Variants in RNF128 observed in about 807,000 individuals in gnomAD.
The protein encoded by RNF128 is E3 ubiquitin-protein ligase RNF128.
In RNF128, 13 loss-of-function variants were observed where a neutral mutation model predicts 26.2. The observed-to-expected ratio is 0.50, with a 90% CI of 0.32 to 0.79. The LOEUF (loss-of-function observed/expected upper bound fraction) is 0.79. Ranked by LOEUF, RNF128 falls within the 30% of genes least tolerant of loss-of-function variation. RNF128 has a pLI of 0.03. For missense variants in RNF128, 315 were observed against 349.7 expected (o/e 0.90, Z 0.79); for synonymous variants, 149 against 142.5 (o/e 1.05, Z -0.32).
intron 1 of RNF128, among the ~76,000 whole-genome samples, chrX:106,762,561 C>G (rs1163031808): frequency 9.0e-6 from 1 of 111,049 alleles, no homozygotes; most frequent in African/African-American, 3.3e-5. Context: ...GATCCGCCCC[C>G]CATCGGCCTC....
intron 4 of RNF128, among the ~76,000 whole-genome samples, chrX:106,789,197 GTA>G (rs1930763501): frequency 1.1e-5 from 1 of 91,038 alleles, no homozygotes; most frequent in Non-Finnish European, 2.1e-5. Context: ...TATGTAAATT[GTA>G]TATATATAAT....
chrX:106,697,379 T>C (rs1928891203), intron 1 of RNF128, among the ~76,000 whole-genome samples: 1 of 111,704 alleles, frequency 9.0e-6, no homozygotes, highest in African/African-American at 3.3e-5. Flanking sequence ...TAGTCACAGA[T>C]TGACCTTCTC....
chrX:106,783,087 G>C (rs757491601), intron 2 of RNF128, among the ~76,000 whole-genome samples: 19 of 111,833 alleles, frequency 1.7e-4, no homozygotes, highest in African/African-American at 6.2e-4. Context: ...TTAGGGTCTA[G>C]GCCTTCCTAT....
intron 1 of RNF128, among the ~76,000 whole-genome samples, chrX:106,737,562 A>G (rs1331457675): frequency 8.9e-6 from 1 of 112,149 alleles, no homozygotes; most frequent in African/African-American, 3.2e-5. Context: ...TGACAAGAGA[A>G]GAAAGTCTGT....
At chrX:106,731,734 ACTC>A (rs1929505924) in intron 1 of RNF128, among the ~76,000 whole-genome samples, 1 of 109,774 alleles carries the variant, frequency 9.1e-6, no homozygotes, top group Non-Finnish European at 1.9e-5. Flanking sequence ...GACTCCTAGC[ACTC>A]CTCCTCCAGT....
Position 106,791,099 on chromosome X carries a change from G to A in RNF128, c.1018G>A (p.Val340Ile). The A allele has an allele frequency of 4.1e-6, 5 of 1,207,386 alleles. No individual in the cohort carries two copies. Among genetic ancestry groups the A allele is most frequent in the Non-Finnish European group, 5.6e-6 (5 of 892,488 alleles). ...TGAAGATGGATCAGTGTCTTTACAA[G>A]TCCCTGTATCCAATGAAATATCTAA... ...DVEDGSVSLQ[V>I]PVSNEISNSA... Residue 340 changes from valine to isoleucine, a missense_variant, in exon 6 of 7, where the codon GTC becomes ATC. Coordinates refer to ENST00000255499, the MANE Select transcript of RNF128 (RefSeq NM_194463.2).
intron 1 of RNF128, among the ~76,000 whole-genome samples, chrX:106,767,399 G>C (rs1468567866): frequency 9.0e-6 from 1 of 111,670 alleles, no homozygotes; most frequent in African/African-American, 3.3e-5. Context: ...TTGAGCAGTG[G>C]TTTGTAGTTC....
intron 1 of RNF128, among the ~76,000 whole-genome samples, chrX:106,746,994 A>C (rs956529718): frequency 9.0e-6 from 1 of 111,718 alleles, no homozygotes; most frequent in African/African-American, 3.2e-5. Flanking sequence ...TATTTAAGTA[A>C]TAAGGGTCCA....
At chrX:106,718,645 T>TTTCCCCATTAAAG (rs1449831039) in intron 1 of RNF128, among the ~76,000 whole-genome samples, 1 of 111,091 alleles carries the variant, frequency 9.0e-6, no homozygotes, top group Non-Finnish European at 1.9e-5. Flanking sequence ...CCGTTAGTAT[T>TTTCCCCATTAAAG]TTCCCCATTA....
chrX:106,721,474 C>A (rs1929310658), intron 1 of RNF128, among the ~76,000 whole-genome samples: 1 of 112,283 alleles, frequency 8.9e-6, no homozygotes, highest in Non-Finnish European at 1.9e-5. Flanking sequence ...GTTGCTCCTG[C>A]AGAATGCTGC....
intron 1 of RNF128, among the ~76,000 whole-genome samples, chrX:106,738,948 C>T (rs1307006507): frequency 9.0e-6 from 1 of 111,584 alleles, no homozygotes; most frequent in Non-Finnish European, 1.9e-5. Flanking sequence ...CTTCTTAGAG[C>T]CTCTAATATG....
intron 6 of RNF128, among the ~76,000 whole-genome samples, chrX:106,791,844 C>A (rs986171652): frequency 5.4e-5 from 6 of 110,873 alleles, no homozygotes; most frequent in Middle Eastern, 4.7e-3. Flanking sequence ...TCTGTTTTTC[C>A]CTATAAAGAT....
At chrX:106,788,044 C>T in intron 4 of RNF128, 44 bp downstream of exon 4, 2 of 793,721 alleles carry the variant, frequency 2.5e-6, no homozygotes, top group Non-Finnish European at 3.5e-6. Context: ...ATAGCTGACC[C>T]ACAAAAATGA....
At chrX:106,735,969 T>C (rs1929590154) in intron 1 of RNF128, among the ~76,000 whole-genome samples, 1 of 110,592 alleles carries the variant, frequency 9.0e-6, no homozygotes, top group African/African-American at 3.3e-5. Context: ...TTTGTTTTTT[T>C]TTCCCGTAAG....
rs766017076 is a variant in RNF128, at chrX:106,795,627, G to A, written c.1201G>A (p.Asp401Asn). ...VNHEANSVAV[D>N]VIPHVDNPTF... ...CCATGAAGCAAATTCTGTGGCAGTG[G>A]ATGTTATTCCTCATGTTGACAACCC... The change falls in exon 7 of 7, where the codon GAT becomes AAT. Residue 401 changes from aspartate to asparagine, a missense_variant. Asp to Asn is a conservative substitution (Grantham distance 23). Transcript: ENST00000255499. 1.6e-5 allele frequency: 19 copies of A among 1,198,383 alleles called. No individual in the cohort carries two copies. Among genetic ancestry groups the A allele is most frequent in the Middle Eastern group, 2.3e-4 (1 of 4,348 alleles).
chrX:106,753,700 C>T (rs5962739), intron 1 of RNF128, among the ~76,000 whole-genome samples: 15,477 of 110,977 alleles, frequency 0.14, 2,646 homozygotes, highest in African/African-American at 0.49. Flanking sequence ...AGCTGCCATC[C>T]TTAAGAAACA....
chrX:106,761,215 A>G (rs1930115335), intron 1 of RNF128, among the ~76,000 whole-genome samples: 1 of 112,205 alleles, frequency 8.9e-6, no homozygotes, highest in African/African-American at 3.2e-5. Flanking sequence ...ATACCAATCC[A>G]AATCACAATG....
intron 4 of RNF128, among the ~76,000 whole-genome samples, chrX:106,789,355 T>C (rs921655549): frequency 2.1e-5 from 2 of 97,099 alleles, no homozygotes; most frequent in Non-Finnish European, 4.1e-5. Flanking sequence ...TATATTATAT[T>C]ATGTATATAT....
At chrX:106,707,384 T>C (rs5962728) in intron 1 of RNF128, among the ~76,000 whole-genome samples, 12,830 of 111,104 alleles carry the variant, frequency 0.12, 1,840 homozygotes, top group African/African-American at 0.4. Context: ...CTTGTTGTGC[T>C]TTCCTGAGCA....
Sources: gnomAD v4.1 joint callset for allele counts (sites outside exome capture counted in the v4.1 genomes callset) on GRCh38, gnomAD v4.1.1 for gene constraint, MANE v1.5 for transcripts, NCBI Gene and HGNC (gene_info 2026-07-23, HGNC 2026-07-21) for gene names.